The following WWOX variants were observed in gnomAD, a reference collection of about 807,000 sequenced individuals.
WWOX encodes WW domain-containing oxidoreductase.
WWOX carries 69 observed loss-of-function variants against 46.2 expected under a neutral mutation model. The observed-to-expected ratio is 1.49, with a 90% CI of 1.23 to 1.82. The LOEUF is 1.82. Ranked by LOEUF, WWOX falls within the 40% of genes most tolerant of loss-of-function variation. The pLI is 0.00. For synonymous variants in WWOX, 359 were observed against 202.6 expected (o/e 1.77, Z -6.56); for missense variants, 919 against 542.6 (o/e 1.69, Z -6.89).
chr16:79,141,699 A>G (rs1206179275), intron 8 of WWOX, among the ~76,000 whole-genome samples: 1 of 151,716 alleles, frequency 6.6e-6, no homozygotes, highest in East Asian at 1.9e-4. Context: ...TTGACTCTCC[A>G]GTGCTTCTTG....
chr16:78,607,038 C>G (rs1001603707), intron 8 of WWOX, among the ~76,000 whole-genome samples: 12 of 151,952 alleles, frequency 7.9e-5, no homozygotes, highest in African/African-American at 2.7e-4. Flanking sequence ...ATAGAGTTCC[C>G]CACTTCTCAG....
intron 8 of WWOX, among the ~76,000 whole-genome samples, chr16:78,734,122 G>A (rs371866341): frequency 1.3e-5 from 2 of 151,858 alleles, no homozygotes; most frequent in Admixed American, 6.6e-5. Flanking sequence ...ATACACACAC[G>A]TAAAATGAAA....
At chr16:78,646,983 G>C (rs1312555223) in intron 8 of WWOX, among the ~76,000 whole-genome samples, 2 of 152,172 alleles carry the variant, frequency 1.3e-5, no homozygotes, top group East Asian at 1.9e-4. Context: ...AACTGGCTCA[G>C]ACTCTGCTGG....
At chr16:78,936,543 G>T (rs758457101) in intron 8 of WWOX, among the ~76,000 whole-genome samples, 21 of 152,092 alleles carry the variant, frequency 1.4e-4, no homozygotes, top group Non-Finnish European at 2.8e-4. Flanking sequence ...AAGTTAAGCT[G>T]CTTTCTGGTA....
intron 8 of WWOX, among the ~76,000 whole-genome samples, chr16:79,042,454 T>C (rs1188937648): frequency 6.6e-6 from 1 of 152,232 alleles, no homozygotes; most frequent in Admixed American, 6.5e-5. Context: ...TGGTTATTTA[T>C]CTTCCTCTGC....
At chr16:79,029,138 C>G (rs1328330125) in intron 8 of WWOX, among the ~76,000 whole-genome samples, 1 of 152,100 alleles carries the variant, frequency 6.6e-6, no homozygotes, top group East Asian at 1.9e-4. Context: ...TAAGCAGAAT[C>G]GATTGATGAA....
intron 4 of WWOX, among the ~76,000 whole-genome samples, chr16:78,131,790 T>C (rs1229298347): frequency 6.6e-6 from 1 of 151,654 alleles, no homozygotes; most frequent in African/African-American, 2.4e-5. Context: ...TTCACCATGT[T>C]GGCCAGGACG....
At chr16:78,474,847 G>A (rs1480822236) in intron 8 of WWOX, among the ~76,000 whole-genome samples, 1 of 152,172 alleles carries the variant, frequency 6.6e-6, no homozygotes, top group African/African-American at 2.4e-5. Context: ...GGTTCTTTGT[G>A]AGTGGTCCTT....
intron 8 of WWOX, among the ~76,000 whole-genome samples, chr16:78,936,117 G>C (rs904539669): frequency 2.0e-5 from 3 of 152,094 alleles, no homozygotes; most frequent in African/African-American, 4.8e-5. Flanking sequence ...AGGAGGTAAT[G>C]ATGAGTTTTG....
At chr16:78,632,347 G>GCC (rs1016156390) in intron 8 of WWOX, among the ~76,000 whole-genome samples, 2 of 152,114 alleles carry the variant, frequency 1.3e-5, no homozygotes, top group African/African-American at 4.8e-5. Flanking sequence ...AGGTCAGCAT[G>GCC]CCCAAAGTAT....
intron 8 of WWOX, among the ~76,000 whole-genome samples, chr16:79,112,736 C>T (rs551831450): frequency 3.9e-5 from 6 of 152,064 alleles, no homozygotes; most frequent in South Asian, 2.1e-4. Context: ...AATATAGAGT[C>T]GTAGAATTTT....
Position 78,840,097 on chromosome 16 carries a change from A to C in WWOX, c.1057-371511A>C, listed in dbSNP as rs571423780. On this transcript the variant is annotated intron_variant, in intron 8 of 8. Transcript: ENST00000566780. ...ACATGAGAACATGCTTTGCACAAAC[A>C]AAGTTGTATGCAAAATAAGTTATCA... is the stretch of plus-strand genomic sequence containing the variant. 8.5e-5 allele frequency among the ~76,000 whole-genome samples: 13 copies of C among 152,368 alleles called. No individual in the cohort carries two copies. The East Asian group carries it at 2.5e-3, about 29-fold the overall frequency.
chr16:78,332,158 G>A (rs1467226192), intron 5 of WWOX, among the ~76,000 whole-genome samples: 1 of 151,994 alleles, frequency 6.6e-6, no homozygotes, highest in Non-Finnish European at 1.5e-5. Flanking sequence ...CTACATCCTG[G>A]GTTATGTCTT....
intron 5 of WWOX, among the ~76,000 whole-genome samples, chr16:78,290,254 C>T (rs1285259616): frequency 1.3e-5 from 2 of 152,136 alleles, no homozygotes; most frequent in African/African-American, 2.4e-5. Context: ...TGCGAGCGGA[C>T]ATGTCGATAT....
At chr16:79,083,702 T>A (rs1383363576) in intron 8 of WWOX, among the ~76,000 whole-genome samples, 2 of 152,090 alleles carry the variant, frequency 1.3e-5, no homozygotes, top group African/African-American at 4.8e-5. Context: ...GGTAAACCGA[T>A]CACTAACACC....
At chr16:78,600,365 G>T (rs2045593246) in intron 8 of WWOX, among the ~76,000 whole-genome samples, 1 of 152,162 alleles carries the variant, frequency 6.6e-6, no homozygotes, top group African/African-American at 2.4e-5. Context: ...GGGGGCCCCA[G>T]ATGACGGAAA....
intron 8 of WWOX, among the ~76,000 whole-genome samples, chr16:78,981,531 G>A (rs1164564454): frequency 3.3e-5 from 5 of 151,836 alleles, no homozygotes; most frequent in African/African-American, 7.3e-5. Context: ...TCCACTTTCC[G>A]GGTTCAGGTG....
At chr16:78,564,249 A>G (rs759338481) in intron 8 of WWOX, among the ~76,000 whole-genome samples, 11 of 152,234 alleles carry the variant, frequency 7.2e-5, no homozygotes, top group African/African-American at 2.2e-4. Flanking sequence ...TTGAATGGAG[A>G]CAATACTTTT....
rs138011261 is a variant in WWOX, at chr16:78,181,551, C to T, written c.516+17262C>T. On this transcript the variant is annotated intron_variant, in intron 5 of 8. Transcript: ENST00000566780. ...TAAGGCCGGAGCGGGTGGCACACTC[C>T]GTGGCTGGGATCCACAGTGAAATCT... Among the ~76,000 whole-genome samples the T allele has an allele frequency of 1.2e-4, 19 of 152,270 alleles. No homozygotes were observed. The East Asian group carries it at 3.5e-3, about 28-fold the overall frequency.
Sources: allele counts gnomAD v4.1 joint callset (sites outside exome capture counted in the v4.1 genomes callset), GRCh38; gene constraint gnomAD v4.1.1; transcripts MANE v1.5; gene names NCBI Gene and HGNC (gene_info 2026-07-23, HGNC 2026-07-21).